Variants in NBAS observed in about 807,000 individuals in gnomAD.
NBAS encodes the protein NBAS subunit of NRZ tethering complex.
NBAS carries 219 observed loss-of-function variants against 302.5 expected under a neutral mutation model. That is an observed-to-expected ratio of 0.72 (90% CI 0.65 to 0.81). The LOEUF (loss-of-function observed/expected upper bound fraction) is 0.81. Among genes scored for constraint, NBAS ranks in the 30% least tolerant of loss-of-function variants. NBAS has a pLI of 0.00. For synonymous variants in NBAS, 1,118 were observed against 1,021.6 expected, an observed-to-expected ratio of 1.09 and a Z score of -1.80; for missense variants, 2,932 against 2,841.6, an observed-to-expected ratio of 1.03 and a Z score of -0.72.
chr2:15,541,788 C>T (rs535061657), intron 6 of NBAS, among the ~76,000 whole-genome samples: 193 of 116,602 alleles, frequency 1.7e-3, no homozygotes, highest in African/African-American at 5.8e-3. Flanking sequence ...CCAGTCGCCC[C>T]GTCCGGGAGG....
the NBAS span, among the ~76,000 whole-genome samples, chr2:14,801,449 C>G: frequency 6.6e-6 from 1 of 152,056 alleles, no homozygotes; most frequent in African/African-American, 2.4e-5. Context: ...TAATCCCATT[C>G]AGTATATTTT....
At chr2:15,474,018 G>T (rs770842659) in intron 15 of NBAS, 49 bp downstream of exon 15, 1 of 1,609,630 alleles carries the variant, frequency 6.2e-7, no homozygotes, top group South Asian at 1.1e-5. Flanking sequence ...CTCAATAAAA[G>T]AAAAGCTTGA....
At chr2:15,514,346 T>A (rs1662286882) in intron 9 of NBAS, among the ~76,000 whole-genome samples, 1 of 152,092 alleles carries the variant, frequency 6.6e-6, no homozygotes, top group Non-Finnish European at 1.5e-5. Flanking sequence ...AGGAAAAAAA[T>A]CCTCTGAATA....
chr2:15,323,118 C>G (rs927289023), intron 38 of NBAS, among the ~76,000 whole-genome samples: 15 of 152,064 alleles, frequency 9.9e-5, no homozygotes, highest in Admixed American at 9.2e-4. Context: ...CAAGAAACAC[C>G]AGGGCAGACA....
At chr2:15,444,409 T>A (rs569562808) in intron 21 of NBAS, among the ~76,000 whole-genome samples, 102 of 152,294 alleles carry the variant, frequency 6.7e-4, no homozygotes, top group African/African-American at 2.4e-3. Context: ...GGGGAAAGGA[T>A]TCCCTATTTA....
At chr2:15,307,777 C>A (rs1427799510) in intron 40 of NBAS, among the ~76,000 whole-genome samples, 1 of 151,942 alleles carries the variant, frequency 6.6e-6, no homozygotes. Flanking sequence ...AACATTCTGT[C>A]CGTACAACTG....
intron 10 of NBAS, among the ~76,000 whole-genome samples, chr2:15,504,786 C>T (rs1224067289): frequency 6.6e-6 from 1 of 152,136 alleles, no homozygotes; most frequent in African/African-American, 2.4e-5. Flanking sequence ...CGTACAGCCA[C>T]TGTGGAAGAA....
chr2:14,848,493 C>A, the NBAS span, among the ~76,000 whole-genome samples: 2 of 144,088 alleles, frequency 1.4e-5, no homozygotes, highest in Admixed American at 1.3e-4. Flanking sequence ...GGCAGCGAGG[C>A]TGGGGGAGGG....
At chr2:15,366,429 C>T in intron 32 of NBAS, 151 bp downstream of exon 32, 1 of 741,242 alleles carries the variant, frequency 1.3e-6, no homozygotes, top group Non-Finnish European at 2.4e-6. Flanking sequence ...GAAGATTTCA[C>T]TGCACTCCAG....
intron 21 of NBAS, among the ~76,000 whole-genome samples, chr2:15,438,248 T>C (rs1302582789): frequency 6.6e-6 from 1 of 152,202 alleles, no homozygotes; most frequent in Non-Finnish European, 1.5e-5. Context: ...AACCTTATAG[T>C]ACACACCATG....
intron 9 of NBAS, among the ~76,000 whole-genome samples, chr2:15,524,825 T>C (rs1662844188): frequency 1.3e-5 from 2 of 151,722 alleles, no homozygotes; most frequent in Admixed American, 1.3e-4. Context: ...TCTCAACAGG[T>C]AATTCTGATG....
At chr2:14,881,552 A>C in the NBAS span, among the ~76,000 whole-genome samples, 6 of 152,214 alleles carry the variant, frequency 3.9e-5, no homozygotes, top group African/African-American at 1.2e-4. Context: ...AGGAATCTAC[A>C]TGCAGCCCAG....
chr2:15,192,239 T>C (rs1363320882), intron 48 of NBAS, among the ~76,000 whole-genome samples: 1 of 151,978 alleles, frequency 6.6e-6, no homozygotes, highest in African/African-American at 2.4e-5. Flanking sequence ...AGGCTATTTT[T>C]TTTTTTTTTT....
rs200574947 is a variant in NBAS at position 15,496,995 on chromosome 2, G to GA, written c.954+7149dup. Among the ~76,000 whole-genome samples the GA allele has an allele frequency of 5.7e-3, 860 of 151,866 alleles. 10 individuals are homozygous for GA. The highest frequency in any genetic ancestry group is 0.019 in the African/African-American group (800 of 41,412). On this transcript the variant is annotated intron_variant, in intron 11 of 51. Coordinates refer to ENST00000281513, the MANE Select transcript of NBAS (RefSeq NM_015909.4). ...AAATAGAGCTGATGCCCAAAGATGA[G>GA]AAAAAATTAATTAATGAGGACAAAT...
the NBAS span, among the ~76,000 whole-genome samples, chr2:14,829,968 G>A: frequency 6.6e-6 from 1 of 152,158 alleles, no homozygotes; most frequent in Non-Finnish European, 1.5e-5. Flanking sequence ...TAACAGAAAA[G>A]GCCTATTCAA....
the NBAS span, among the ~76,000 whole-genome samples, chr2:14,838,159 T>C: frequency 2.6e-5 from 4 of 151,960 alleles, no homozygotes; most frequent in Non-Finnish European, 5.9e-5. Context: ...ACATTATTAC[T>C]ATGAATTTTT....
chr2:15,299,077 T>C (rs1670682007), intron 40 of NBAS, among the ~76,000 whole-genome samples: 2 of 152,180 alleles, frequency 1.3e-5, no homozygotes, highest in Admixed American at 1.3e-4. Flanking sequence ...TTCAGTGACA[T>C]GACGCATGGG....
chr2:14,784,264 G>A, the NBAS span, among the ~76,000 whole-genome samples: 9 of 152,070 alleles, frequency 5.9e-5, no homozygotes, highest in Non-Finnish European at 1.3e-4. Context: ...CCATTTTGTA[G>A]GTTGCCTGTT....
the NBAS span, among the ~76,000 whole-genome samples, chr2:14,854,452 C>A: frequency 3.9e-5 from 6 of 152,090 alleles, no homozygotes; most frequent in South Asian, 2.1e-4. Flanking sequence ...AGAAAAAAAA[C>A]CCCTTCACAA....
Sources: allele counts gnomAD v4.1 joint callset (sites outside exome capture counted in the v4.1 genomes callset), GRCh38; gene constraint gnomAD v4.1.1; transcripts MANE v1.5; gene names NCBI Gene and HGNC (gene_info 2026-07-23, HGNC 2026-07-21).